Variants in CELF4 observed in about 807,000 individuals in gnomAD.
CELF4 encodes the protein CUGBP Elav-like family member 4, also known as CUG-BP- and ETR-3-like factor 4.
CELF4 carries 18 observed loss-of-function variants against 59.9 expected under a neutral mutation model. The ratio of observed to expected loss-of-function variants is 0.30; its 90% CI spans 0.21 to 0.45. The LOEUF (loss-of-function observed/expected upper bound fraction) is 0.45. CELF4 is among the 20% of genes least tolerant of loss of function. CELF4 has a pLI of 1.00. For missense variants in CELF4, 456 were observed against 689.0 expected (o/e 0.66, Z 3.79); for synonymous variants, 261 against 267.1 (o/e 0.98, Z 0.22).
chr18:37,446,754 T>C (rs1215718245), intron 2 of CELF4, among the ~76,000 whole-genome samples: 12 of 151,854 alleles, frequency 7.9e-5, no homozygotes, highest in African/African-American at 2.9e-4. Flanking sequence ...CATCCCTCAC[T>C]GTCAAGCCTG....
At chr18:37,411,877 G>A (rs945677913) in intron 2 of CELF4, among the ~76,000 whole-genome samples, 6 of 152,214 alleles carry the variant, frequency 3.9e-5, no homozygotes, top group South Asian at 2.1e-4. Flanking sequence ...GCCAGGACCC[G>A]TGTCCAGGGG....
At chr18:37,319,323 C>G (rs1386814101) in intron 3 of CELF4, among the ~76,000 whole-genome samples, 1 of 152,240 alleles carries the variant, frequency 6.6e-6, no homozygotes, top group South Asian at 2.1e-4. Context: ...GGGCCCCTCA[C>G]GCCTGAAGCA....
At chr18:37,307,881 CA>C (rs1197133163) in intron 3 of CELF4, among the ~76,000 whole-genome samples, 2 of 152,190 alleles carry the variant, frequency 1.3e-5, no homozygotes, top group African/African-American at 2.4e-5. Flanking sequence ...CAAAGCATTG[CA>C]GTGGGGTGTA....
rs147115766 is a variant in CELF4 at position 37,306,717 on chromosome 18, G to A, written c.448+15086C>T. Among the ~76,000 whole-genome samples, 591 of 152,252 alleles carry A rather than the reference G, an allele frequency of 3.9e-3. 2 individuals are homozygous for A. Among genetic ancestry groups the A allele is most frequent in the South Asian group, 0.031 (148 of 4,826 alleles). ...GCCCCGATGGCATGCCGTGGTGAGC[G>A]GTGAGCGGATAAAAGGAAATGTCCC... On this transcript the variant is annotated intron_variant, in intron 3 of 12. Transcript: ENST00000420428.
At chr18:37,532,517 T>C (rs1172492920) in intron 1 of CELF4, among the ~76,000 whole-genome samples, 2 of 152,122 alleles carry the variant, frequency 1.3e-5, no homozygotes, top group Non-Finnish European at 2.9e-5. Flanking sequence ...AGAGAAATGA[T>C]GATAGCCTCT....
At chr18:37,442,908 A>G (rs886839900) in intron 2 of CELF4, among the ~76,000 whole-genome samples, 2 of 152,086 alleles carry the variant, frequency 1.3e-5, no homozygotes, top group African/African-American at 4.8e-5. Context: ...CCTGCTACCA[A>G]CCACACTGCC....
At chr18:37,250,094 A>G (rs2064551093) in intron 12 of CELF4, among the ~76,000 whole-genome samples, 1 of 152,092 alleles carries the variant, frequency 6.6e-6, no homozygotes, top group South Asian at 2.1e-4. Flanking sequence ...AGGGGCTCAG[A>G]GGCCAATCTC....
At chr18:37,279,043 A>C in intron 3 of CELF4, among the ~76,000 whole-genome samples, 1 of 151,206 alleles carries the variant, frequency 6.6e-6, no homozygotes, top group Non-Finnish European at 1.5e-5. Flanking sequence ...CTCCTCCTCC[A>C]TCCACACAGC....
rs868629602 is a variant in CELF4 at position 37,447,312 on chromosome 18, C to T, written c.369+38213G>A. 5.9e-5 allele frequency among the ~76,000 whole-genome samples: 9 copies of T among 152,202 alleles called. No homozygotes were observed. In the South Asian group the frequency reaches 6.2e-4, roughly 11 times the overall value. On this transcript the variant is annotated intron_variant, in intron 2 of 12. Coordinates refer to ENST00000420428, the MANE Select transcript of CELF4 (RefSeq NM_020180.4). ...CACCCTCACATGCTGGTTTGTGAAGCGGCTTGAGTGCATTATCTTGTTGCA... is the reference window on the plus strand; with the variant it reads ...CACCCTCACATGCTGGTTTGTGAAGTGGCTTGAGTGCATTATCTTGTTGCA...
intron 2 of CELF4, among the ~76,000 whole-genome samples, chr18:37,430,005 C>A (rs1408344551): frequency 6.6e-6 from 1 of 152,220 alleles, no homozygotes; most frequent in Non-Finnish European, 1.5e-5. Context: ...CTCCTACTGG[C>A]CACGCCCTTT....
intron 5 of CELF4, 139 bp downstream of exon 5, chr18:37,274,666 C>T (rs1190798109): frequency 6.8e-7 from 1 of 1,480,336 alleles, no homozygotes; most frequent in Non-Finnish European, 8.9e-7. Context: ...CCTGGGCTTC[C>T]GCGTCCTTGT....
intron 2 of CELF4, among the ~76,000 whole-genome samples, chr18:37,334,224 A>G (rs114083026): frequency 3.8e-4 from 58 of 151,974 alleles, no homozygotes; most frequent in Middle Eastern, 3.4e-3. Context: ...TCCCTCATCC[A>G]CTCTGCCTGG....
intron 3 of CELF4, among the ~76,000 whole-genome samples, chr18:37,309,393 A>G (rs2154484421): frequency 6.6e-6 from 1 of 152,066 alleles, no homozygotes; most frequent in African/African-American, 2.4e-5. Flanking sequence ...GGCTCAAGGC[A>G]CTCTTATTGG....
chr18:37,456,991 T>G (rs567610156), intron 2 of CELF4, among the ~76,000 whole-genome samples: 3 of 152,142 alleles, frequency 2.0e-5, no homozygotes, highest in Admixed American at 1.3e-4. Context: ...AGGCTTTCTG[T>G]CACTGGGCCT....
chr18:37,312,126 A>AG lies in CELF4; in HGVS notation c.448+9676_448+9677insC, dbSNP rs1252202757. Among the ~76,000 whole-genome samples the AG allele has an allele frequency of 6.5e-4, 76 of 117,290 alleles. 1 individual carries two copies. Among genetic ancestry groups the AG allele is most frequent in the African/African-American group, 1.7e-3 (57 of 34,162 alleles). 76.9% of individuals were successfully genotyped at this position (117,290 alleles called of 152,430 possible). A position where few individuals can be genotyped will look rare whatever the true frequency, so the allele number is the denominator to read the frequency against. On this transcript the variant is annotated intron_variant, in intron 3 of 12. Transcript: ENST00000420428. ...ATTCCGTCTCAAAAAAAAAAAAAAA[A>AG]AAAAGAAAAAAAAAAAAAGAAGGAA... is the stretch of plus-strand genomic sequence containing the variant.
chr18:37,267,081 C>G (rs915593437), intron 8 of CELF4, among the ~76,000 whole-genome samples: 2 of 152,230 alleles, frequency 1.3e-5, no homozygotes. Flanking sequence ...CCTGCTCACA[C>G]AGAGGGATGC....
chr18:37,541,742 G>T (rs898011840), intron 1 of CELF4, among the ~76,000 whole-genome samples: 1 of 151,710 alleles, frequency 6.6e-6, no homozygotes, highest in Non-Finnish European at 1.5e-5. Flanking sequence ...CCTGCCTCCG[G>T]GCCTTTGCAC....
At chr18:37,273,299 G>T in intron 6 of CELF4, 136 bp from the exon 7 acceptor site, 1 of 1,440,646 alleles carries the variant, frequency 6.9e-7, no homozygotes. Flanking sequence ...AGAAAGCCCT[G>T]ATGCCTCTCC....
intron 1 of CELF4, among the ~76,000 whole-genome samples, chr18:37,487,130 T>A (rs1251662015): frequency 6.6e-6 from 1 of 152,182 alleles, no homozygotes; most frequent in Non-Finnish European, 1.5e-5. Context: ...CCAGGCTTGC[T>A]TTAGACTCTG....
Sources: gnomAD v4.1 joint callset for allele counts (sites outside exome capture counted in the v4.1 genomes callset) on GRCh38, gnomAD v4.1.1 for gene constraint, MANE v1.5 for transcripts, NCBI Gene and HGNC (gene_info 2026-07-23, HGNC 2026-07-21) for gene names.